Variants in THRA observed in about 807,000 individuals in gnomAD.
The protein encoded by THRA is EAR-7.
Under a neutral mutation model 45.0 loss-of-function variants are expected in THRA, and 13 were observed. That is an observed-to-expected ratio of 0.29 (90% confidence interval 0.19 to 0.46). The LOEUF (loss-of-function observed/expected upper bound fraction) is 0.46. THRA is among the 20% of genes least tolerant of loss of function. The pLI, the probability that THRA is intolerant of heterozygous loss-of-function variation, is 1.00. For synonymous variants in THRA, 195 were observed against 214.0 expected (o/e 0.91, Z 0.78); for missense variants, 278 against 556.1 (o/e 0.50, Z 5.03).
Position 40,092,698 on chromosome 17 carries a change from A to C in THRA, c.*3242A>C, listed in dbSNP as rs1987625556. The C allele has an allele frequency of 1.1e-5, 3 of 270,106 alleles. No individual in the cohort carries two copies. The highest frequency in any genetic ancestry group is 2.1e-5 in the Non-Finnish European group (3 of 143,766). 16.7% of individuals were successfully genotyped at this position (270,106 alleles called of 1,614,324 possible). A position where few individuals can be genotyped will look rare whatever the true frequency, so the allele number is the denominator to read the frequency against. On this transcript the variant is annotated 3_prime_UTR_variant, in exon 9 of 9. Transcript: ENST00000450525. ...CCTCCCATCTGCTGGCAGAGTACCC[A>C]CCCCACAAACTGACCAGATGGAGAG...
intron 6 of THRA, among the ~76,000 whole-genome samples, chr17:40,085,871 A>G (rs1251770596): frequency 1.3e-5 from 2 of 152,074 alleles, no homozygotes; most frequent in Non-Finnish European, 2.9e-5. Flanking sequence ...TGAACTCGCA[A>G]CCTCAGGTGA....
intron 4 of THRA, among the ~76,000 whole-genome samples, chr17:40,078,218 C>G (rs1987018732): frequency 6.6e-6 from 1 of 152,218 alleles, no homozygotes; most frequent in Admixed American, 6.5e-5. Flanking sequence ...GTGGCTCATG[C>G]CTAAAATCCC....
chr17:40,077,496 C>T lies in THRA; in HGVS notation c.122-12C>T. 1 of 1,612,550 alleles carries T rather than the reference C, an allele frequency of 6.2e-7. No individual in the cohort carries two copies. ...CCATGCCTGCCTTCCTCCATCCTTTCCTTCCTCCCAGGGTATATCCCTAGT... is the reference window on the plus strand; with the variant it reads ...CCATGCCTGCCTTCCTCCATCCTTTTCTTCCTCCCAGGGTATATCCCTAGT... On this transcript the variant is annotated splice_polypyrimidine_tract_variant and intron_variant, in intron 3 of 8. Coordinates refer to ENST00000450525, the MANE Select transcript of THRA (RefSeq NM_199334.5).
intron 1 of THRA, chr17:40,068,784 C>T (rs1022737633): frequency 1.3e-5 from 2 of 152,268 alleles, no homozygotes; most frequent in African/African-American, 4.8e-5. Context: ...CTCTTGGCTC[C>T]CAGAGCCCCA....
At position 40,091,908 on chromosome 17, in the gene THRA, CCAT is replaced by C. The variant is rs1438287074; in HGVS notation, c.*2453_*2455del. On this transcript the variant is annotated 3_prime_UTR_variant, in exon 9 of 9. Transcript: ENST00000450525. ...GGGGGACAGGGCCCTCTCCTGGGGG[CCAT>C]TGGTGCTAATGAGGGGGATGGCCTT... The C allele has an allele frequency of 6.6e-6, 1 of 152,308 alleles. No homozygotes were observed. The highest frequency in any genetic ancestry group is 6.5e-5 in the Admixed American group (1 of 15,270). The allele number at this position is 152,308 out of a possible 1,614,324, so 9.4% of individuals were successfully genotyped here. A position where few individuals can be genotyped will look rare whatever the true frequency, so the allele number is the denominator to read the frequency against.
Position 40,089,463 on chromosome 17 carries a change from A to C in THRA, c.*7A>C. The C allele has an allele frequency of 6.2e-7, 1 of 1,613,678 alleles. No individual in the cohort carries two copies. On this transcript the variant is annotated 3_prime_UTR_variant, in exon 9 of 9. Transcript: ENST00000450525. The surrounding 1 kb of genome is among the most constrained non-coding windows in gnomAD (Gnocchi z 6.1). ...TGAGGATCAGGAAGTCTAAAGCCTCAGGCGGCCAGAGGGTGTGCGGAGCTG... is the reference window on the plus strand; with the variant it reads ...TGAGGATCAGGAAGTCTAAAGCCTCCGGCGGCCAGAGGGTGTGCGGAGCTG...
chr17:40,092,835 C>CA lies in THRA; in HGVS notation c.*3380dup, dbSNP rs892660143. 1.2e-5 allele frequency: 10 copies of CA among 835,554 alleles called. No individual in the cohort carries two copies. The highest frequency in any genetic ancestry group is 1.1e-4 in the African/African-American group (6 of 56,974). The allele number at this position is 835,554 out of a possible 1,614,324, so 51.8% of individuals were successfully genotyped here. On this transcript the variant is annotated 3_prime_UTR_variant, in exon 9 of 9. Transcript: ENST00000450525. ...GATTTGAGACAGGAACAGAACAAAT[C>CA]AGAGGGCCAGGGGAGGGTTGTGGGG...
intron 1 of THRA, among the ~76,000 whole-genome samples, chr17:40,070,322 C>G (rs1164723939): frequency 6.6e-6 from 1 of 152,198 alleles, no homozygotes; most frequent in Non-Finnish European, 1.5e-5. Context: ...CCTCTCCTTC[C>G]TGGCACTAGG....
intron 1 of THRA, among the ~76,000 whole-genome samples, chr17:40,069,841 C>CT (rs1986710369): frequency 6.6e-6 from 1 of 152,000 alleles, no homozygotes; most frequent in Non-Finnish European, 1.5e-5. Context: ...ACCTTGATGC[C>CT]TGGCTGGAGC....
In THRA at chr17:40,077,551, G is replaced by A. The variant is rs1439526369; in HGVS notation, c.165G>A (p.Val55=). The A allele has an allele frequency of 2.5e-6, 4 of 1,614,092 alleles. 1 individual carries two copies. In the South Asian group the frequency reaches 4.4e-5, roughly 18 times the overall value. ...TGGACAAAGACGAGCAGTGTGTCGT[G>A]TGTGGGGACAAGGCAACTGGTTATC... ...SYLDKDEQCV[V]CGDKATGYHY... The change falls in exon 4 of 9, where the codon GTG becomes GTA. Residue 55 remains valine (V), a synonymous_variant. Transcript: ENST00000450525.
At chr17:40,070,870 C>G (rs1023450893) in intron 1 of THRA, among the ~76,000 whole-genome samples, 12 of 151,504 alleles carry the variant, frequency 7.9e-5, no homozygotes, top group Non-Finnish European at 1.6e-4. Flanking sequence ...AAGCCCCCCA[C>G]CCATCTTTCT....
chr17:40,080,124 G>A (rs748429453), intron 4 of THRA, among the ~76,000 whole-genome samples: 3 of 151,840 alleles, frequency 2.0e-5, no homozygotes, highest in African/African-American at 4.8e-5. Flanking sequence ...TAAAGGCCAG[G>A]TATAGTAGCT....
At chr17:40,078,859 G>A (rs967678425) in intron 4 of THRA, among the ~76,000 whole-genome samples, 2 of 151,320 alleles carry the variant, frequency 1.3e-5, no homozygotes, top group African/African-American at 4.9e-5. Context: ...AGCCTCCTGA[G>A]TGGCTGGGAC....
chr17:40,067,785 A>G (rs1986623991), intron 1 of THRA, among the ~76,000 whole-genome samples: 1 of 152,344 alleles, frequency 6.6e-6, no homozygotes, highest in Middle Eastern at 3.4e-3. Flanking sequence ...TGGGAGGCCA[A>G]GGCGGGAGGA....
At chr17:40,063,584 C>T (rs2145034161) in intron 1 of THRA, among the ~76,000 whole-genome samples, 1 of 152,226 alleles carries the variant, frequency 6.6e-6, no homozygotes, top group South Asian at 2.1e-4. Flanking sequence ...TGGGCTTGCA[C>T]GGGTCCGGGG....
chr17:40,084,499 C>A, intron 5 of THRA, 111 bp from the exon 6 acceptor site: 1 of 1,247,540 alleles, frequency 8.0e-7, no homozygotes, highest in Non-Finnish European at 1.1e-6. Context: ...ATTTAGCCTC[C>A]ATGGCCCTCG....
In THRA at chr17:40,091,264, A is replaced by ACACGGACATG. The variant is rs1555545357; in HGVS notation, c.*1811_*1812insGGACATGCAC. On this transcript the variant is annotated 3_prime_UTR_variant, in exon 9 of 9. Coordinates refer to ENST00000450525, the MANE Select transcript of THRA (RefSeq NM_199334.5). ...CACACACACACACACACACACACAC[A>ACACGGACATG]CACACACGGACATGCACACACGGAC... is the stretch of plus-strand genomic sequence containing the variant. 3 of 155,604 alleles carry ACACGGACATG rather than the reference A, an allele frequency of 1.9e-5. No homozygotes were observed. Among genetic ancestry groups the ACACGGACATG allele is most frequent in the East Asian group, 1.9e-4 (1 of 5,346 alleles). 9.6% of individuals were successfully genotyped at this position (155,604 alleles called of 1,614,324 possible).
At chr17:40,085,801 G>A (rs1337460284) in intron 6 of THRA, among the ~76,000 whole-genome samples, 3 of 152,018 alleles carry the variant, frequency 2.0e-5, no homozygotes, top group African/African-American at 4.8e-5. Flanking sequence ...GCGCCACCAC[G>A]CCCGGCTAAT....
chr17:40,087,021 C>G, intron 7 of THRA, 168 bp downstream of exon 7: 3 of 838,350 alleles, frequency 3.6e-6, no homozygotes, highest in Admixed American at 5.3e-5. Flanking sequence ...CATACACATA[C>G]ACCCAGCACA....
Sources: gnomAD v4.1 joint callset for allele counts (sites outside exome capture counted in the v4.1 genomes callset) on GRCh38, gnomAD v4.1.1 for gene constraint, Gnocchi (gnomAD v3.1) non-coding constraint, MANE v1.5 for transcripts, NCBI Gene and HGNC (gene_info 2026-07-23, HGNC 2026-07-21) for gene names.